Variants in PPP2R2B observed in about 807,000 individuals in gnomAD.
PPP2R2B encodes the protein protein phosphatase 2 regulatory subunit Bbeta.
PPP2R2B carries 5 observed loss-of-function variants against 46.0 expected under a neutral mutation model. The ratio of observed to expected loss-of-function variants is 0.11; its 90% CI spans 0.06 to 0.23. PPP2R2B has a LOEUF of 0.23. Among genes scored for constraint, PPP2R2B ranks in the 10% least tolerant of loss-of-function variants. PPP2R2B has a pLI of 1.00. For synonymous variants in PPP2R2B, 215 were observed against 206.7 expected (o/e 1.04, Z -0.34); for missense variants, 367 against 575.0 (o/e 0.64, Z 3.70).
chr5:146,715,300 G>A (rs1367836717), intron 2 of PPP2R2B, among the ~76,000 whole-genome samples: 1 of 152,148 alleles, frequency 6.6e-6, no homozygotes, highest in African/African-American at 2.4e-5. Flanking sequence ...ACTACAGGTA[G>A]AGAATTGCAA....
chr5:146,659,192 A>G (rs377162439), intron 5 of PPP2R2B, among the ~76,000 whole-genome samples: 29 of 152,328 alleles, frequency 1.9e-4, no homozygotes, highest in South Asian at 1.0e-3. Flanking sequence ...AGGTATTTAA[A>G]TCCCACTGGA....
At chr5:146,948,997 T>C (rs1490246496) in intron 1 of PPP2R2B, among the ~76,000 whole-genome samples, 1 of 152,112 alleles carries the variant, frequency 6.6e-6, no homozygotes, top group Non-Finnish European at 1.5e-5. Flanking sequence ...TTTGGGGTCA[T>C]GTATCTGTAC....
At chr5:147,036,839 G>A (rs1049645035) in intron 1 of PPP2R2B, among the ~76,000 whole-genome samples, 12 of 152,148 alleles carry the variant, frequency 7.9e-5, no homozygotes, top group African/African-American at 2.9e-4. Context: ...ATTTAGTAAT[G>A]GCTTAATTTG....
intron 2 of PPP2R2B, among the ~76,000 whole-genome samples, chr5:146,724,929 T>C (rs926745377): frequency 3.3e-5 from 5 of 152,014 alleles, no homozygotes; most frequent in African/African-American, 7.2e-5. Flanking sequence ...CACCGCTCAA[T>C]AGGGTTTTGA....
chr5:146,674,010 T>C (rs1777548796), intron 5 of PPP2R2B, among the ~76,000 whole-genome samples: 1 of 152,192 alleles, frequency 6.6e-6, no homozygotes, highest in African/African-American at 2.4e-5. Flanking sequence ...ACGACCAAGT[T>C]AGAAGTCTCT....
intron 2 of PPP2R2B, among the ~76,000 whole-genome samples, chr5:146,843,930 T>G (rs924880330): frequency 1.3e-5 from 2 of 151,878 alleles, no homozygotes; most frequent in Non-Finnish European, 2.9e-5. Context: ...TGTGTCTTTA[T>G]AGCAGCATGA....
chr5:146,660,030 T>C (rs1356272384), intron 5 of PPP2R2B, among the ~76,000 whole-genome samples: 4 of 152,210 alleles, frequency 2.6e-5, no homozygotes, highest in African/African-American at 9.6e-5. Flanking sequence ...AGATTAACTT[T>C]ATTGAGAATT....
intron 2 of PPP2R2B, among the ~76,000 whole-genome samples, chr5:146,776,420 A>AG (rs1304100420): frequency 4.6e-5 from 7 of 152,070 alleles, no homozygotes; most frequent in African/African-American, 1.7e-4. Context: ...TCCTCAACAA[A>AG]TGGTGCTAGG....
At chr5:146,600,215 C>T (rs1309882463) in intron 8 of PPP2R2B, 76 bp downstream of exon 8, 25 of 1,516,796 alleles carry the variant, frequency 1.6e-5, no homozygotes, top group Non-Finnish European at 2.1e-5. Flanking sequence ...CACTGTAAAC[C>T]TTTGGAAGCA....
intron 2 of PPP2R2B, among the ~76,000 whole-genome samples, chr5:146,791,440 C>T (rs910771977): frequency 4.6e-5 from 7 of 151,992 alleles, no homozygotes; most frequent in Non-Finnish European, 8.8e-5. Flanking sequence ...TGCGTCTGTA[C>T]AGCTTACAGG....
At chr5:146,902,818 C>T (rs1296641623) in intron 1 of PPP2R2B, among the ~76,000 whole-genome samples, 2 of 123,500 alleles carry the variant, frequency 1.6e-5, no homozygotes, top group South Asian at 2.7e-4. Context: ...CTACACATAA[C>T]AAAGTTTTGC....
intron 2 of PPP2R2B, among the ~76,000 whole-genome samples, chr5:146,854,455 G>A (rs1443618510): frequency 6.6e-6 from 1 of 151,922 alleles, no homozygotes; most frequent in East Asian, 1.9e-4. Context: ...TGGCTTCTTT[G>A]AAATATGCAA....
chr5:146,829,012 A>G (rs528423213), intron 2 of PPP2R2B, among the ~76,000 whole-genome samples: 1 of 152,344 alleles, frequency 6.6e-6, no homozygotes, highest in South Asian at 2.1e-4. Context: ...AAGAACGGGT[A>G]AGTGAGCTGA....
chr5:146,762,398 T>C (rs1754220668), intron 2 of PPP2R2B, among the ~76,000 whole-genome samples: 1 of 152,190 alleles, frequency 6.6e-6, no homozygotes, highest in African/African-American at 2.4e-5. Flanking sequence ...AAGGCAGTTA[T>C]GAGGATTAAA....
chr5:146,638,823 C>T (rs979351781), intron 6 of PPP2R2B, among the ~76,000 whole-genome samples: 2 of 152,064 alleles, frequency 1.3e-5, no homozygotes, highest in African/African-American at 2.4e-5. Context: ...TATCTGATTC[C>T]TTAATGGATT....
chr5:146,863,532 C>G (rs1027557106), intron 2 of PPP2R2B, among the ~76,000 whole-genome samples: 2 of 152,084 alleles, frequency 1.3e-5, no homozygotes, highest in Non-Finnish European at 2.9e-5. Context: ...TCCATTGAAA[C>G]TTGGAGTTTC....
At chr5:146,949,869 G>A (rs1764597783) in intron 1 of PPP2R2B, among the ~76,000 whole-genome samples, 1 of 152,052 alleles carries the variant, frequency 6.6e-6, no homozygotes, top group Non-Finnish European at 1.5e-5. Context: ...CAACATGGAT[G>A]GAACTAGAGT....
intron 2 of PPP2R2B, among the ~76,000 whole-genome samples, chr5:146,841,819 A>C (rs1363054891): frequency 6.6e-6 from 1 of 152,152 alleles, no homozygotes; most frequent in East Asian, 1.9e-4. Context: ...CATTAGGAGA[A>C]ATACCTAATA....
At chr5:147,015,446 C>T (rs992093169) in intron 1 of PPP2R2B, among the ~76,000 whole-genome samples, 2 of 151,618 alleles carry the variant, frequency 1.3e-5, no homozygotes, top group African/African-American at 4.8e-5. Flanking sequence ...CACTTTCCCA[C>T]CTCCATATCT....
Sources: gnomAD v4.1 joint callset for allele counts (sites outside exome capture counted in the v4.1 genomes callset) on GRCh38, gnomAD v4.1.1 for gene constraint, MANE v1.5 for transcripts, NCBI Gene and HGNC (gene_info 2026-07-23, HGNC 2026-07-21) for gene names.